The following PEPD variants were observed in gnomAD, a reference collection of about 807,000 sequenced individuals.
The protein encoded by PEPD is peptidase D.
A neutral mutation model predicts 60.7 loss-of-function variants in PEPD; 53 were observed. The ratio of observed to expected loss-of-function variants is 0.87; its 90% CI spans 0.70 to 1.10. The LOEUF (loss-of-function observed/expected upper bound fraction) is 1.10, where lower values mean the gene tolerates loss of function less well. Among genes scored for constraint, PEPD ranks in the 50% least tolerant of loss-of-function variants. The probability of loss-of-function intolerance (pLI) is 0.00; values close to 1 mark genes in which losing one functional copy is unlikely to be tolerated. For missense variants in PEPD, 711 were observed against 711.9 expected (o/e 1.00, Z 0.01); for synonymous variants, 267 against 284.1 (o/e 0.94, Z 0.60).
At chr19:33,413,079 A>G (rs1199676612) in intron 10 of PEPD, among the ~76,000 whole-genome samples, 2 of 152,220 alleles carry the variant, frequency 1.3e-5, no homozygotes, top group Admixed American at 6.5e-5. Flanking sequence ...ACGAGCAGGC[A>G]CACCAACAGT....
At chr19:33,441,667 G>A (rs993256141) in intron 9 of PEPD, among the ~76,000 whole-genome samples, 3 of 152,184 alleles carry the variant, frequency 2.0e-5, no homozygotes, top group Admixed American at 6.5e-5. Context: ...TGGGGCTGCA[G>A]CAATGGCCCC....
intron 3 of PEPD, among the ~76,000 whole-genome samples, chr19:33,506,237 CAA>C (rs770367318): frequency 2.0e-4 from 30 of 147,812 alleles, no homozygotes; most frequent in Non-Finnish European, 2.8e-4. Context: ...CACCCACACA[CAA>C]GACAGCACAC....
intron 3 of PEPD, among the ~76,000 whole-genome samples, chr19:33,506,688 C>G (rs1471212571): frequency 1.3e-5 from 2 of 149,736 alleles, no homozygotes; most frequent in African/African-American, 4.9e-5. Flanking sequence ...ACCTCACACA[C>G]CCACACACAA....
chr19:33,396,607 C>T (rs1207198303), intron 12 of PEPD, among the ~76,000 whole-genome samples: 1 of 148,746 alleles, frequency 6.7e-6, no homozygotes, highest in African/African-American at 2.5e-5. Context: ...GCCACCATTG[C>T]TGTTCCAGGT....
chr19:33,520,377 C>T (rs1971108829), intron 1 of PEPD, among the ~76,000 whole-genome samples: 1 of 152,240 alleles, frequency 6.6e-6, no homozygotes, highest in African/African-American at 2.4e-5. Context: ...GCACTGTTCT[C>T]TACCTGAAGG....
chr19:33,495,068 G>A (rs143234943), intron 4 of PEPD, among the ~76,000 whole-genome samples: 1,745 of 151,670 alleles, frequency 0.012, 34 homozygotes, highest in African/African-American at 0.039. Context: ...CCCAGGAGGC[G>A]GAGCTTGCAG....
intron 9 of PEPD, among the ~76,000 whole-genome samples, chr19:33,449,436 C>G (rs1311486407): frequency 2.0e-5 from 3 of 152,188 alleles, no homozygotes; most frequent in African/African-American, 7.2e-5. Context: ...CCCATGTTTT[C>G]TCAGGATCCA....
At chr19:33,460,448 T>G (rs1207087178) in intron 9 of PEPD, among the ~76,000 whole-genome samples, 1 of 152,130 alleles carries the variant, frequency 6.6e-6, no homozygotes. Flanking sequence ...TCCTCAAATC[T>G]GGCCAGGGAT....
In PEPD at chr19:33,511,060, C is replaced by A. The variant is rs930883932; in HGVS notation, c.297G>T (p.Arg99Ser). Residue 99 changes from arginine to serine, a missense_variant, in exon 3 of 15, where the codon AGG (arginine) becomes AGT (serine). Transcript: ENST00000244137. ...DTGKSTLFVP[R>S]LPASHATWMG... Reference sequence around the variant, plus strand: ...TCCAGGTGGCATGGCTGGCAGGAAGCCTGGGCACAAACAGGGTCGACTTCC... The same window carrying A: ...TCCAGGTGGCATGGCTGGCAGGAAGACTGGGCACAAACAGGGTCGACTTCC... The A allele has an allele frequency of 1.2e-6, 2 of 1,613,862 alleles. No homozygotes were observed. Among genetic ancestry groups the A allele is most frequent in the Non-Finnish European group, 1.7e-6 (2 of 1,179,982 alleles).
At chr19:33,509,760 G>A (rs1600174041) in intron 3 of PEPD, among the ~76,000 whole-genome samples, 1 of 152,218 alleles carries the variant, frequency 6.6e-6, no homozygotes, top group African/African-American at 2.4e-5. Flanking sequence ...AGCATTTAGC[G>A]GGATCCTCTG....
chr19:33,426,417 T>C (rs1355823618), intron 9 of PEPD, among the ~76,000 whole-genome samples: 1 of 152,264 alleles, frequency 6.6e-6, no homozygotes, highest in Non-Finnish European at 1.5e-5. Context: ...TAACTTTCTC[T>C]GGAAAGTGCT....
intron 9 of PEPD, among the ~76,000 whole-genome samples, chr19:33,436,069 C>T (rs752788616): frequency 5.9e-5 from 9 of 151,888 alleles, no homozygotes; most frequent in Non-Finnish European, 1.2e-4. Flanking sequence ...TGCTTTTGGC[C>T]TAGAAGAGCA....
intron 11 of PEPD, among the ~76,000 whole-genome samples, chr19:33,410,326 A>T (rs2145362232): frequency 6.6e-6 from 1 of 152,338 alleles, no homozygotes; most frequent in South Asian, 2.1e-4. Context: ...GAGCCCGGGC[A>T]GTCTCAGTAG....
intron 12 of PEPD, chr19:33,395,975 C>T (rs1367274956): frequency 6.6e-6 from 1 of 152,424 alleles, no homozygotes; most frequent in African/African-American, 2.4e-5. Context: ...TGGGGACCCA[C>T]TCACCCTGCG....
chr19:33,443,781 C>A (rs1969533155), intron 9 of PEPD, among the ~76,000 whole-genome samples: 1 of 152,178 alleles, frequency 6.6e-6, no homozygotes, highest in African/African-American at 2.4e-5. Flanking sequence ...ACCATACGCA[C>A]ATGCGCATGC....
chr19:33,466,757 G>GA lies in PEPD; in HGVS notation c.549-2696dup, dbSNP rs778343133. Among the ~76,000 whole-genome samples the GA allele has an allele frequency of 4.7e-3, 582 of 125,014 alleles. 5 individuals are homozygous for GA. Among genetic ancestry groups the GA allele is most frequent in the African/African-American group, 0.014 (489 of 35,298 alleles). The allele number at this position is 125,014 out of a possible 152,430, so 82.0% of individuals were successfully genotyped here. A position where few individuals can be genotyped will look rare whatever the true frequency, so the allele number is the denominator to read the frequency against. ...GTATATATGTTGCTTTTGTACTAAT[G>GA]AAAAAAAAAAAAGAAATAAAAATTT... On this transcript the variant is annotated intron_variant, in intron 7 of 14. Transcript: ENST00000244137.
intron 7 of PEPD, among the ~76,000 whole-genome samples, chr19:33,470,755 A>G (rs1049911684): frequency 6.6e-5 from 10 of 152,134 alleles, no homozygotes; most frequent in Non-Finnish European, 1.5e-4. Flanking sequence ...CTCATTTCAA[A>G]GAGAAAAGGA....
chr19:33,449,527 A>G (rs938245746), intron 9 of PEPD, among the ~76,000 whole-genome samples: 1 of 152,220 alleles, frequency 6.6e-6, no homozygotes, highest in Non-Finnish European at 1.5e-5. Context: ...ACAGCAGCAG[A>G]ACGAGTGTGC....
chr19:33,480,409 C>A (rs1459494855), intron 6 of PEPD, among the ~76,000 whole-genome samples: 1 of 152,074 alleles, frequency 6.6e-6, no homozygotes, highest in Non-Finnish European at 1.5e-5. Flanking sequence ...CAAAAACTAA[C>A]AAAATTGGAG....
Sources: allele counts gnomAD v4.1 joint callset (sites outside exome capture counted in the v4.1 genomes callset), GRCh38; gene constraint gnomAD v4.1.1; transcripts MANE v1.5; gene names NCBI Gene and HGNC (gene_info 2026-07-23, HGNC 2026-07-21).